The following MYBBP1A variants were observed in gnomAD, a reference collection of about 807,000 sequenced individuals.
MYBBP1A encodes the protein MYB binding protein 1a.
In MYBBP1A, 147 loss-of-function variants were observed where a neutral mutation model predicts 136.3. That is an observed-to-expected ratio of 1.08 (90% CI 0.94 to 1.24). MYBBP1A has a LOEUF of 1.24. Ranked by LOEUF, MYBBP1A falls within the 50% of genes most tolerant of loss-of-function variation. The pLI, the probability that MYBBP1A is intolerant of heterozygous loss-of-function variation, is 0.00. For synonymous variants in MYBBP1A, 947 were observed against 735.8 expected, an observed-to-expected ratio of 1.29 and a Z score of -4.65; for missense variants, 2,060 against 1,727.4, an observed-to-expected ratio of 1.19 and a Z score of -3.41.
chr17:4,551,535 C>T (rs1018628913), intron 8 of MYBBP1A, among the ~76,000 whole-genome samples: 9 of 152,222 alleles, frequency 5.9e-5, no homozygotes, highest in African/African-American at 2.2e-4. Flanking sequence ...ATGGCAAAAT[C>T]CCGTCTCTAC....
chr17:4,555,248 T>C lies in MYBBP1A; in HGVS notation c.77A>G (p.Tyr26Cys), dbSNP rs778738893. Reference protein sequence around the residue: ...TQSGARPADRYGLLKHSREFL... With the variant: ...TQSGARPADRCGLLKHSREFL... ...CTCGCGACTGTGCTTCAATAGGCCA[T>C]AGCGGTCGGCAGGCCGGGCGCCACT... is the stretch of plus-strand genomic sequence containing the variant. The change falls in exon 1 of 26, where the codon TAT (tyrosine) becomes TGT (cysteine). Residue 26 changes from tyrosine to cysteine, a missense_variant. Coordinates refer to ENST00000254718, the MANE Select transcript of MYBBP1A (RefSeq NM_014520.4). 14 of 1,612,336 alleles carry C rather than the reference T, an allele frequency of 8.7e-6. No homozygotes were observed. Among genetic ancestry groups the C allele is most frequent in the Admixed American group, 8.3e-5 (5 of 59,900 alleles).
At position 4,552,490 on chromosome 17, in the gene MYBBP1A, A is replaced by G. The variant is rs1385285541; in HGVS notation, c.698T>C (p.Val233Ala). ...QKVPSKLKKL[V>A]GSVNLFSDEN... ...ATCTGAGAATAGGTTCACGGATCCC[A>G]CCAGCTTCTTGAGCTTGGAGGGCAC... Residue 233 changes from valine (V) to alanine (A), a missense_variant, in exon 6 of 26, where the codon GTG (valine) becomes GCG (alanine). By Grantham distance (64) the Val-to-Ala change is moderately conservative. Coordinates refer to ENST00000254718, the MANE Select transcript of MYBBP1A (RefSeq NM_014520.4). This position sits in a 1 kb window ranked among gnomAD's most constrained non-coding sequence, Gnocchi z 4.7. 4.3e-6 allele frequency: 7 copies of G among 1,613,762 alleles called. No homozygotes were observed. The South Asian group carries it at 7.7e-5, about 18-fold the overall frequency.
At chr17:4,547,787 T>C in intron 13 of MYBBP1A, 171 bp downstream of exon 13, 1 of 553,436 alleles carries the variant, frequency 1.8e-6, no homozygotes. Flanking sequence ...TGCCGCTAAG[T>C]GGCCGGAGGG....
Position 4,544,800 on chromosome 17 carries a change from TTCTCG to T in MYBBP1A, c.2427_2431del (p.Asp809GlufsTer85). On this transcript the variant is annotated frameshift_variant, in exon 18 of 26. Transcript: ENST00000254718. LOFTEE classifies it high-confidence loss of function. ...AGCCTTCTCCTTCTGCAGCTTGTTC[TTCTCG>T]TCTCGCCGGGCCTGGATACGCAGCT... 6.2e-7 allele frequency: 1 copy of T among 1,600,748 alleles called. No homozygotes were observed. The highest frequency in any genetic ancestry group is 8.5e-7 in the Non-Finnish European group (1 of 1,174,206).
In MYBBP1A at chr17:4,544,562, T is replaced by C. The variant is rs1262254316; in HGVS notation, c.2566A>G (p.Ile856Val). ...LELLEPLLSI[I>V]RRSLRSSSSK... ...CTGCTGCTGCGCAGGCTGCGCCGGA[T>C]GATGCTCAGCAGCGGCTCCAGCAGC... Residue 856 changes from isoleucine to valine, a missense_variant, in exon 19 of 26, where the codon ATC becomes GTC. By Grantham distance (29) the Ile-to-Val change is conservative. Coordinates refer to ENST00000254718, the MANE Select transcript of MYBBP1A (RefSeq NM_014520.4). 11 of 1,569,494 alleles carry C rather than the reference T, an allele frequency of 7.0e-6. No homozygotes were observed. The highest frequency in any genetic ancestry group is 9.5e-6 in the Non-Finnish European group (11 of 1,157,880).
At position 4,541,550 on chromosome 17, in the gene MYBBP1A, C is replaced by T. The variant is rs557472707; in HGVS notation, c.3210G>A (p.Leu1070=). Residue 1070 remains leucine, a synonymous_variant, in exon 24 of 26, where the codon CTG becomes CTA. Coordinates refer to ENST00000254718, the MANE Select transcript of MYBBP1A (RefSeq NM_014520.4). The part of the protein sequence containing the change: ...LAKVTENLRV[L]GEAQTKAQHQ... The stretch of plus-strand genomic sequence containing the variant: ...GCTGCGCCTTGGTCTGCGCCTCCCC[C>T]AGCACGCGCAAGTTCTAGGGAAGGG... 16 of 1,612,596 alleles carry T rather than the reference C, an allele frequency of 9.9e-6. No homozygotes were observed. The Admixed American group carries it at 1.0e-4, about 10-fold the overall frequency.
In MYBBP1A at chr17:4,540,403, C is replaced by A. The variant is rs150092179; in HGVS notation, c.3379G>T (p.Gly1127Cys). The stretch of plus-strand genomic sequence containing the variant: ...TAGAGGTCGTGCAGGCGGCTGGAGC[C>A]GGTGGAGTGTGCCCCCTGCTGTAGG... ...QSLQQGAHST[G>C]SSRLHDLYWQ... Residue 1127 changes from glycine to cysteine, a missense_variant, in exon 25 of 26, where the codon GGC (glycine) becomes TGC (cysteine). Transcript: ENST00000254718. The A allele has an allele frequency of 3.5e-5, 57 of 1,610,512 alleles. No individual in the cohort carries two copies. Among genetic ancestry groups the A allele is most frequent in the Non-Finnish European group, 4.7e-5 (56 of 1,179,820 alleles).
intron 25 of MYBBP1A, 133 bp from the exon 26 acceptor site, chr17:4,540,100 C>G: frequency 8.2e-7 from 1 of 1,219,566 alleles, no homozygotes; most frequent in Non-Finnish European, 1.1e-6. Context: ...ATGAGGGTCC[C>G]GTGAGGGTCC....
At position 4,539,647 on chromosome 17, in the gene MYBBP1A, T is replaced by A; in HGVS notation, c.3755A>T (p.Gln1252Leu). 6.2e-7 allele frequency: 1 copy of A among 1,612,084 alleles called. No individual in the cohort carries two copies. Residue 1252 changes from glutamine to leucine, a missense_variant, in exon 26 of 26, where the codon CAG becomes CTG. By Grantham distance (113) the Gln-to-Leu change is moderately radical. Coordinates refer to ENST00000254718, the MANE Select transcript of MYBBP1A (RefSeq NM_014520.4). Reference sequence around the variant, plus strand: ...CTGGGACGGCTTCTGGTTTTTCTTCTGCAGTTTTGGGGATTTGGCAGGGGT... The same window carrying A: ...CTGGGACGGCTTCTGGTTTTTCTTCAGCAGTTTTGGGGATTTGGCAGGGGT... Reference protein sequence around the residue: ...PSTPAKSPKLQKKNQKPSQVN... With the variant: ...PSTPAKSPKLLKKNQKPSQVN...
chr17:4,539,117 C>A lies in MYBBP1A; in HGVS notation c.*298G>T. The A allele has an allele frequency of 6.6e-7, 1 of 1,506,804 alleles. No homozygotes were observed. 93.3% of individuals were successfully genotyped at this position (1,506,804 alleles called of 1,614,324 possible). A position where few individuals can be genotyped will look rare whatever the true frequency, so the allele number is the denominator to read the frequency against. ...GAGAGATGGTCACACCTGCCTGCAGCCAGCACATCAACCTGCACCAACCCA... is the reference window on the plus strand; with the variant it reads ...GAGAGATGGTCACACCTGCCTGCAGACAGCACATCAACCTGCACCAACCCA... On this transcript the variant is annotated 3_prime_UTR_variant, in exon 26 of 26. Transcript: ENST00000254718.
rs2144403200 is a variant in MYBBP1A, at chr17:4,539,356, A to G, written c.*59T>C. The G allele has an allele frequency of 6.6e-7, 1 of 1,504,256 alleles. No individual in the cohort carries two copies. Among genetic ancestry groups the G allele is most frequent in the Admixed American group, 2.3e-5 (1 of 43,676 alleles). The allele number at this position is 1,504,256 out of a possible 1,614,324, so 93.2% of individuals were successfully genotyped here. On this transcript the variant is annotated 3_prime_UTR_variant, in exon 26 of 26. Transcript: ENST00000254718. ...TAAAATCATGGTTTAAAAAAAAAAA[A>G]AAAAAATAGGCGTCTCAGGCAGATG...
chr17:4,546,803 C>G (rs1220024446), intron 13 of MYBBP1A, among the ~76,000 whole-genome samples: 1 of 152,172 alleles, frequency 6.6e-6, no homozygotes, highest in Non-Finnish European at 1.5e-5. Context: ...CAGTCGGCAG[C>G]TTGAACGTTT....
At chr17:4,544,677 G>C in intron 18 of MYBBP1A, 31 bp from the exon 19 acceptor site, 2 of 1,470,378 alleles carry the variant, frequency 1.4e-6, no homozygotes. Flanking sequence ...CAGCAACACG[G>C]GGGTGGGCGC....
Position 4,549,980 on chromosome 17 carries a change from G to T in MYBBP1A, c.1319+78C>A, listed in dbSNP as rs187828029. On this transcript the variant is annotated intron_variant, in intron 9 of 25. Transcript: ENST00000254718. ...GTTTAGAGCCAGGACGCTGTGGAGG[G>T]CGGGCTTGGGTCGCGGGGCTCTGCA... The T allele has an allele frequency of 2.0e-4, 295 of 1,473,572 alleles. 1 individual carries two copies. In the African/African-American group the frequency reaches 3.3e-3, roughly 16 times the overall value. The allele number at this position is 1,473,572 out of a possible 1,614,324, so 91.3% of individuals were successfully genotyped here. A position where few individuals can be genotyped will look rare whatever the true frequency, so the allele number is the denominator to read the frequency against.
Position 4,539,886 on chromosome 17 carries a change from C to T in MYBBP1A, c.3516G>A (p.Lys1172=), listed in dbSNP as rs1906200928. The T allele has an allele frequency of 1.2e-6, 2 of 1,602,628 alleles. No homozygotes were observed. The highest frequency in any genetic ancestry group is 1.3e-5 in the African/African-American group (1 of 74,902). The change falls in exon 26 of 26, where the codon AAG becomes AAA. Residue 1172 remains lysine, a synonymous_variant. Transcript: ENST00000254718. Reference sequence around the variant, plus strand: ...GCTTCTTCGTCTCTGGCAAGAATCCCTTTTTCTTCCGCTTCTTACTGATGG... The same window carrying T: ...GCTTCTTCGTCTCTGGCAAGAATCCTTTTTTCTTCCGCTTCTTACTGATGG... ...QSPISKKRKK[K]GFLPETKKRK...
intron 9 of MYBBP1A, 34 bp downstream of exon 9, chr17:4,550,024 C>G (rs1157360816): frequency 6.3e-7 from 1 of 1,577,406 alleles, no homozygotes. Flanking sequence ...AAGTTAACTC[C>G]TAAATTAGGT....
chr17:4,542,387 T>C (rs1906518133), intron 22 of MYBBP1A, 77 bp downstream of exon 22: 5 of 1,486,618 alleles, frequency 3.4e-6, no homozygotes, highest in Non-Finnish European at 4.6e-6. Flanking sequence ...CTCTGGGGCC[T>C]CACAATATCC....
chr17:4,553,883 A>G lies in MYBBP1A; in HGVS notation c.488T>C (p.Leu163Pro), dbSNP rs775564589. Residue 163 changes from leucine (L) to proline (P), a missense_variant, in exon 5 of 26, where the codon CTG becomes CCG. By Grantham distance (98) the Leu-to-Pro change is moderately conservative. Coordinates refer to ENST00000254718, the MANE Select transcript of MYBBP1A (RefSeq NM_014520.4). ...GTTTTGGTACTGGGCCAGGGCCTGC[A>G]GCAGCTTCACCGACTTCATCAGTGC... ...QEALMKSVKLLQALAQYQNHL... is the reference protein window; with the variant it reads ...QEALMKSVKLPQALAQYQNHL... 1.9e-6 allele frequency: 3 copies of G among 1,613,942 alleles called. No homozygotes were observed. The highest frequency in any genetic ancestry group is 1.7e-6 in the Non-Finnish European group (2 of 1,180,020).
At chr17:4,554,626 G>A (rs1022105199) in intron 2 of MYBBP1A, among the ~76,000 whole-genome samples, 3 of 152,202 alleles carry the variant, frequency 2.0e-5, no homozygotes, top group Admixed American at 6.5e-5. Context: ...CCCAGAAAGT[G>A]TACCTAAGAG....
Sources: allele counts gnomAD v4.1 joint callset (sites outside exome capture counted in the v4.1 genomes callset), GRCh38; gene constraint gnomAD v4.1.1; non-coding constraint Gnocchi (gnomAD v3.1); transcripts MANE v1.5; gene names NCBI Gene and HGNC (gene_info 2026-07-23, HGNC 2026-07-21).